Variants in OSBPL8 observed in about 807,000 individuals in gnomAD.
OSBPL8 encodes oxysterol-binding protein-related protein 8.
In OSBPL8, 59 loss-of-function variants were observed where a neutral mutation model predicts 125.5. That is an observed-to-expected ratio of 0.47 (90% CI 0.38 to 0.58). OSBPL8 has a LOEUF of 0.58. OSBPL8 is among the 20% of genes least tolerant of loss of function. The probability of loss-of-function intolerance (pLI) is 0.00; values close to 1 mark genes in which losing one functional copy is unlikely to be tolerated. For missense variants in OSBPL8, 758 were observed against 1,047.8 expected (o/e 0.72, Z 3.82); for synonymous variants, 330 against 338.9 (o/e 0.97, Z 0.29).
At chr12:76,540,233 T>A (rs4761424) in intron 1 of OSBPL8, among the ~76,000 whole-genome samples, 119,318 of 151,936 alleles carry the variant, frequency 0.79, 47,066 homozygotes, top group East Asian at 0.92. Context: ...AACCTCTCAA[T>A]AACCATAAAT....
intron 2 of OSBPL8, among the ~76,000 whole-genome samples, chr12:76,460,590 T>C (rs140287249): frequency 1.3e-5 from 2 of 151,974 alleles, no homozygotes; most frequent in East Asian, 3.9e-4. Flanking sequence ...AAGCATAGTA[T>C]TTGGAGCTAA....
At chr12:76,452,705 A>C (rs1021181578) in intron 3 of OSBPL8, among the ~76,000 whole-genome samples, 1 of 152,204 alleles carries the variant, frequency 6.6e-6, no homozygotes, top group African/African-American at 2.4e-5. Context: ...CTGGAAATTC[A>C]ACACAGTCTG....
chr12:76,554,572 G>T (rs934702188), intron 1 of OSBPL8, among the ~76,000 whole-genome samples: 4 of 152,112 alleles, frequency 2.6e-5, no homozygotes, highest in African/African-American at 9.7e-5. Context: ...AAAATAGCCT[G>T]ATTGCGGGGT....
chr12:76,456,815 A>G (rs2136790079), intron 3 of OSBPL8, among the ~76,000 whole-genome samples: 1 of 152,332 alleles, frequency 6.6e-6, no homozygotes, highest in East Asian at 1.9e-4. Context: ...ATACAATTAC[A>G]GTACTATACC....
rs150272975 is a variant in OSBPL8, at chr12:76,508,661, T to C, written c.-67-21043A>G. 5.4e-3 allele frequency among the ~76,000 whole-genome samples: 828 copies of C among 152,214 alleles called. 19 individuals are homozygous for C. The highest frequency in any genetic ancestry group is 3.0e-3 in the Non-Finnish European group (207 of 68,002). On this transcript the variant is annotated intron_variant, in intron 1 of 23. Coordinates refer to ENST00000261183, the MANE Select transcript of OSBPL8 (RefSeq NM_020841.5). ...TGGCCAAATCCCATCAAAACCGAGA[T>C]GGCAATGAAAATAACCTCTGGTCAT...
At chr12:76,472,230 T>C (rs1395456405) in intron 2 of OSBPL8, among the ~76,000 whole-genome samples, 1 of 152,216 alleles carries the variant, frequency 6.6e-6, no homozygotes, top group Non-Finnish European at 1.5e-5. Context: ...TTAACATCAT[T>C]TTTAAGATTC....
chr12:76,385,452 G>T (rs1448755079), intron 14 of OSBPL8, among the ~76,000 whole-genome samples: 1 of 152,054 alleles, frequency 6.6e-6, no homozygotes, highest in East Asian at 1.9e-4. Context: ...GGTATCATAG[G>T]GGAGAAGAGG....
At chr12:76,541,226 C>T (rs1950635206) in intron 1 of OSBPL8, among the ~76,000 whole-genome samples, 1 of 152,096 alleles carries the variant, frequency 6.6e-6, no homozygotes, top group African/African-American at 2.4e-5. Context: ...TGTCTGTAAT[C>T]CCAGCACTTT....
At chr12:76,465,074 T>C (rs1875239882) in intron 2 of OSBPL8, among the ~76,000 whole-genome samples, 1 of 152,200 alleles carries the variant, frequency 6.6e-6, no homozygotes, top group Non-Finnish European at 1.5e-5. Context: ...AATATACTTG[T>C]GCACATTTTA....
chr12:76,433,123 A>G (rs1871042768), intron 4 of OSBPL8, among the ~76,000 whole-genome samples: 1 of 152,234 alleles, frequency 6.6e-6, no homozygotes, highest in African/African-American at 2.4e-5. Context: ...CTAACATAAT[A>G]AGCAATAGAG....
intron 15 of OSBPL8, among the ~76,000 whole-genome samples, chr12:76,383,677 T>C (rs1304071509): frequency 6.6e-6 from 1 of 152,258 alleles, no homozygotes; most frequent in Non-Finnish European, 1.5e-5. Context: ...TTTTTAAAAC[T>C]ATATAAAAGC....
chr12:76,422,798 G>A (rs925602434), intron 4 of OSBPL8: 5 of 280,248 alleles, frequency 1.8e-5, no homozygotes, highest in Non-Finnish European at 3.7e-5. Flanking sequence ...AAAGGAGAAG[G>A]ACCAAAGACT....
intron 21 of OSBPL8, 146 bp downstream of exon 21, chr12:76,369,068 G>A: frequency 9.0e-6 from 10 of 1,112,462 alleles, no homozygotes; most frequent in Non-Finnish European, 1.1e-5. Context: ...GTTTTCTGAT[G>A]TTTCTTTGGG....
At chr12:76,369,093 G>A in intron 21 of OSBPL8, 121 bp downstream of exon 21, 1 of 1,312,482 alleles carries the variant, frequency 7.6e-7, no homozygotes. Context: ...GAAGAGTTCA[G>A]AGCTGCGTAT....
intron 8 of OSBPL8, among the ~76,000 whole-genome samples, chr12:76,395,772 C>T (rs962941665): frequency 6.6e-6 from 1 of 152,042 alleles, no homozygotes; most frequent in Admixed American, 6.6e-5. Flanking sequence ...GTACCTGACA[C>T]AAAGAACTCA....
At chr12:76,536,828 A>C (rs1359518052) in intron 1 of OSBPL8, among the ~76,000 whole-genome samples, 1 of 151,794 alleles carries the variant, frequency 6.6e-6, no homozygotes, top group Non-Finnish European at 1.5e-5. Flanking sequence ...AAAAAAAAAA[A>C]AAAAAAACGA....
chr12:76,411,696 A>T (rs1954520675), intron 4 of OSBPL8, among the ~76,000 whole-genome samples: 1 of 152,054 alleles, frequency 6.6e-6, no homozygotes, highest in Non-Finnish European at 1.5e-5. Context: ...CTCAATCTCA[A>T]TACTAAAAAT....
At chr12:76,445,184 C>T (rs1872603129) in intron 4 of OSBPL8, among the ~76,000 whole-genome samples, 1 of 152,030 alleles carries the variant, frequency 6.6e-6, no homozygotes, top group Admixed American at 6.6e-5. Context: ...TGGTACTACT[C>T]AGTAATGCAG....
intron 5 of OSBPL8, among the ~76,000 whole-genome samples, chr12:76,405,719 A>G (rs1206527992): frequency 4.6e-5 from 7 of 152,182 alleles, no homozygotes; most frequent in Admixed American, 4.6e-4. Context: ...GAATCAAAAC[A>G]CCTTTCAAAT....
Sources: gnomAD v4.1 joint callset for allele counts (sites outside exome capture counted in the v4.1 genomes callset) on GRCh38, gnomAD v4.1.1 for gene constraint, MANE v1.5 for transcripts, NCBI Gene and HGNC (gene_info 2026-07-23, HGNC 2026-07-21) for gene names.